SMARCA4: variants seen among roughly 807,000 people sequenced by gnomAD.
The protein encoded by SMARCA4 is SWI/SNF-related matrix-associated actin-dependent regulator of chromatin subfamily A member 4.
SMARCA4 carries 31 observed loss-of-function variants against 193.9 expected under a neutral mutation model. The observed-to-expected ratio is 0.16, with a 90% CI of 0.12 to 0.22. SMARCA4 has a LOEUF of 0.22. Among genes scored for constraint, SMARCA4 ranks in the 10% least tolerant of loss-of-function variants. The probability of loss-of-function intolerance (pLI) is 1.00; values close to 1 mark genes in which losing one functional copy is unlikely to be tolerated. For missense variants in SMARCA4, 1,148 were observed against 2,296.0 expected (o/e 0.50, Z 10.22); for synonymous variants, 942 against 933.1 (o/e 1.01, Z -0.17).
At chr19:10,999,017 C>T (rs2087360733) in intron 11 of SMARCA4, among the ~76,000 whole-genome samples, 1 of 151,988 alleles carries the variant, frequency 6.6e-6, no homozygotes. Flanking sequence ...ATCCTCCCAC[C>T]TCAGCCTCCT....
intron 33 of SMARCA4, 52 bp downstream of exon 33, chr19:11,059,937 C>T (rs2147118969): frequency 1.2e-6 from 2 of 1,613,446 alleles, no homozygotes; most frequent in Middle Eastern, 1.7e-4. Context: ...CCCGAGAGCC[C>T]CCAAGGCCCC....
At chr19:10,970,259 A>G (rs929286453) in intron 1 of SMARCA4, among the ~76,000 whole-genome samples, 43 of 152,176 alleles carry the variant, frequency 2.8e-4, no homozygotes, top group African/African-American at 1.0e-3. Context: ...ATAATAAACC[A>G]TTAATGGGAA....
At chr19:11,006,358 G>A (rs2088200082) in intron 13 of SMARCA4, among the ~76,000 whole-genome samples, 1 of 152,236 alleles carries the variant, frequency 6.6e-6, no homozygotes, top group Non-Finnish European at 1.5e-5. Context: ...AAACTGAGAT[G>A]CCTCTTGTCG....
At chr19:10,989,221 C>CT (rs1031338060) in intron 6 of SMARCA4, 96 bp from the exon 7 acceptor site, 23 of 1,476,178 alleles carry the variant, frequency 1.6e-5, no homozygotes, top group Non-Finnish European at 1.9e-5. Flanking sequence ...TGACTAGTGC[C>CT]TGCCTCTCTC....
At chr19:11,013,227 T>A (rs2089027133) in intron 16 of SMARCA4, 115 bp downstream of exon 16, 1 of 1,242,144 alleles carries the variant, frequency 8.1e-7, no homozygotes, top group African/African-American at 1.5e-5. Flanking sequence ...CAGAAATTTG[T>A]TTTCCTGGAG....
In SMARCA4 at chr19:11,039,791, T is replaced by C. The variant is rs375593374; in HGVS notation, c.4171-1516T>C. ...TAGCAAGACCACATGTCTAAGAAAATTTAAAAATCGGCTGGGCGCGGTGGC... is the reference window on the plus strand; with the variant it reads ...TAGCAAGACCACATGTCTAAGAAAACTTAAAAATCGGCTGGGCGCGGTGGC... On this transcript the variant is annotated intron_variant, in intron 29 of 34. Coordinates refer to ENST00000344626, the MANE Select transcript of SMARCA4 (RefSeq NM_003072.5). The C allele has an allele frequency of 2.2e-5, 7 of 322,958 alleles. No homozygotes were observed. In the Admixed American group the frequency reaches 2.9e-4, roughly 14 times the overall value. 20.0% of individuals were successfully genotyped at this position (322,958 alleles called of 1,614,324 possible).
At chr19:11,014,747 T>A (rs1191792221) in intron 16 of SMARCA4, among the ~76,000 whole-genome samples, 1 of 152,250 alleles carries the variant, frequency 6.6e-6, no homozygotes, top group African/African-American at 2.4e-5. Context: ...GCCTTGGTTC[T>A]TAGTTGTTAA....
chr19:11,009,502 G>GTGGCAAGTGACAGAA (rs2088601358), intron 14 of SMARCA4, among the ~76,000 whole-genome samples: 1 of 152,050 alleles, frequency 6.6e-6, no homozygotes, highest in African/African-American at 2.4e-5. Context: ...GTGTCTTTCT[G>GTGGCAAGTGACAGAA]TGCTGTGGCA....
chr19:10,986,338 C>G lies in SMARCA4; in HGVS notation c.505C>G (p.Pro169Ala), dbSNP rs142886157. ...GGCCTTGGGGCAGCAGAACCGGGGC[C>G]CAACCCCATTTAACCAGAACCAGCT... ...PQALGQQNRG[P>A]TPFNQNQLHQ... The change falls in exon 4 of 35, where the codon CCA (proline) becomes GCA (alanine). Residue 169 changes from proline to alanine, a missense_variant. This residue lies in a region of SMARCA4 where 201 missense variants were observed against 248.3 expected (regional missense o/e 0.81). Transcript: ENST00000344626. The surrounding 1 kb of genome is among the most constrained non-coding windows in gnomAD (Gnocchi z 6.7). 6.2e-7 allele frequency: 1 copy of G among 1,613,224 alleles called. No individual in the cohort carries two copies. The highest frequency in any genetic ancestry group is 8.5e-7 in the Non-Finnish European group (1 of 1,179,824).
chr19:10,984,021 G>T lies in SMARCA4; in HGVS notation c.-31-100G>T. The T allele has an allele frequency of 1.2e-6, 1 of 867,856 alleles. No individual in the cohort carries two copies. Among genetic ancestry groups the T allele is most frequent in the Non-Finnish European group, 1.9e-6 (1 of 528,570 alleles). The allele number at this position is 867,856 out of a possible 1,614,324, so 53.8% of individuals were successfully genotyped here. A position where few individuals can be genotyped will look rare whatever the true frequency, so the allele number is the denominator to read the frequency against. ...GGTGGGGAAGGTACTGGCTTCCTGT[G>T]GGATGTAGATTCTGATGTGACCGTA... On this transcript the variant is annotated intron_variant, in intron 1 of 34. Coordinates refer to ENST00000344626, the MANE Select transcript of SMARCA4 (RefSeq NM_003072.5). This position sits in a 1 kb window ranked among gnomAD's most constrained non-coding sequence, Gnocchi z 4.3.
chr19:11,003,869 G>A (rs976972160), intron 13 of SMARCA4, among the ~76,000 whole-genome samples: 1 of 150,906 alleles, frequency 6.6e-6, no homozygotes, highest in African/African-American at 2.4e-5. Context: ...CTGCCACCAC[G>A]TCCAGCTAGT....
rs369111922 is a variant in SMARCA4 at position 11,044,283 on chromosome 19, C to T, written c.4424+2723C>T. Among the ~76,000 whole-genome samples, 11 of 152,240 alleles carry T rather than the reference C, an allele frequency of 7.2e-5. 1 individual carries two copies. Among genetic ancestry groups the T allele is most frequent in the South Asian group, 4.1e-4 (2 of 4,822 alleles). ...TAAAACAAAATTCTAGAAGAAAGCA[C>T]GGGAGAAAATCTTCATGAGTAGGCA... On this transcript the variant is annotated intron_variant, in intron 30 of 34. Coordinates refer to ENST00000344626, the MANE Select transcript of SMARCA4 (RefSeq NM_003072.5).
rs1371845303 is a variant in SMARCA4, at chr19:11,034,754, A to G, written c.3952-160A>G. Among the ~76,000 whole-genome samples, 1 of 152,074 alleles carries G rather than the reference A, an allele frequency of 6.6e-6. No homozygotes were observed. The highest frequency in any genetic ancestry group is 1.5e-5 in the Non-Finnish European group (1 of 68,024). ...AGTCAGGGTCTGACGGAGCCAGGCCAGGTCAGCCACTGAAAAATCGAGAGC... is the reference window on the plus strand; with the variant it reads ...AGTCAGGGTCTGACGGAGCCAGGCCGGGTCAGCCACTGAAAAATCGAGAGC... On this transcript the variant is annotated intron_variant, in intron 28 of 34. Transcript: ENST00000344626. The surrounding 1 kb of genome is among the most constrained non-coding windows in gnomAD (Gnocchi z 7.0).
intron 1 of SMARCA4, among the ~76,000 whole-genome samples, chr19:10,962,387 G>C (rs1044316137): frequency 3.3e-5 from 5 of 152,074 alleles, no homozygotes; most frequent in African/African-American, 1.2e-4. Flanking sequence ...GGAGGGGAGC[G>C]GGTGGTAAAT....
intron 30 of SMARCA4, among the ~76,000 whole-genome samples, chr19:11,053,346 T>C (rs1180390438): frequency 6.7e-6 from 1 of 149,594 alleles, no homozygotes; most frequent in African/African-American, 2.5e-5. Context: ...TAGCCGGGCA[T>C]GGTGGTGGGT....
chr19:10,988,054 C>G, intron 6 of SMARCA4, 130 bp downstream of exon 6: 2 of 894,442 alleles, frequency 2.2e-6, no homozygotes, highest in Non-Finnish European at 3.5e-6. Context: ...TGGCCTACAC[C>G]TCCTTCCTCA....
chr19:11,041,207 CCCT>C lies in SMARCA4; in HGVS notation c.4171-94_4171-92del. On this transcript the variant is annotated intron_variant, in intron 29 of 34. Transcript: ENST00000344626. This position sits in a 1 kb window ranked among gnomAD's most constrained non-coding sequence, Gnocchi z 5.6. ...GCTGAAGGGAGAGCGGGTGCGGGGG[CCCT>C]CCTCCGTGTCCCAGCCCGGCCCCTG... 1.5e-6 allele frequency: 2 copies of C among 1,309,078 alleles called. No homozygotes were observed. The highest frequency in any genetic ancestry group is 2.0e-5 in the Admixed American group (1 of 50,184). 81.1% of individuals were successfully genotyped at this position (1,309,078 alleles called of 1,614,324 possible). A position where few individuals can be genotyped will look rare whatever the true frequency, so the allele number is the denominator to read the frequency against.
chr19:10,997,022 A>C (rs2087125610), intron 11 of SMARCA4, among the ~76,000 whole-genome samples: 1 of 150,896 alleles, frequency 6.6e-6, no homozygotes, highest in Non-Finnish European at 1.5e-5. Context: ...CACCCAGCTA[A>C]GTTGTTTTTT....
In SMARCA4 at chr19:11,034,605, C is replaced by T. The variant is rs895726486; in HGVS notation, c.3952-309C>T. On this transcript the variant is annotated intron_variant, in intron 28 of 34. Transcript: ENST00000344626. The surrounding 1 kb of genome is among the most constrained non-coding windows in gnomAD (Gnocchi z 7.0). ...CCACCCAAGCAGGGGCCCCTTGGCC[C>T]GCAGGCCTCATGCCTCCACCAACGC... 4.6e-5 allele frequency among the ~76,000 whole-genome samples: 7 copies of T among 152,194 alleles called. No individual in the cohort carries two copies. Among genetic ancestry groups the T allele is most frequent in the Admixed American group, 3.3e-4 (5 of 15,284 alleles).
Sources: gnomAD v4.1 joint callset for allele counts (sites outside exome capture counted in the v4.1 genomes callset) on GRCh38, gnomAD v4.1.1 for gene constraint, gnomAD v4.1.1 regional missense constraint, Gnocchi (gnomAD v3.1) non-coding constraint, MANE v1.5 for transcripts, NCBI Gene and HGNC (gene_info 2026-07-23, HGNC 2026-07-21) for gene names.